Variants in FHAD1 observed in about 807,000 individuals in gnomAD.
FHAD1 encodes forkhead-associated domain-containing protein 1.
In FHAD1, 146 loss-of-function variants were observed where a neutral mutation model predicts 191.3. The observed-to-expected ratio is 0.76, with a 90% CI of 0.67 to 0.88. The LOEUF is 0.88. Among genes scored for constraint, FHAD1 ranks in the 40% least tolerant of loss-of-function variants. The pLI is 0.00. For missense variants in FHAD1, 1,635 were observed against 1,785.8 expected (o/e 0.92, Z 1.52); for synonymous variants, 616 against 672.3 (o/e 0.92, Z 1.29).
intron 23 of FHAD1, chr1:15,363,650 T>C (rs1229029503): frequency 2.4e-5 from 10 of 415,086 alleles, no homozygotes; most frequent in Non-Finnish European, 4.8e-5. Flanking sequence ...GACCACTTGG[T>C]GGGGCGGGGC....
intron 6 of FHAD1, among the ~76,000 whole-genome samples, chr1:15,301,701 C>A (rs1668830906): frequency 6.6e-6 from 1 of 152,202 alleles, no homozygotes. Context: ...CCTCACAATC[C>A]TCTGACACAT....
intron 6 of FHAD1, among the ~76,000 whole-genome samples, chr1:15,307,608 C>T (rs768944357): frequency 7.9e-5 from 12 of 152,192 alleles, no homozygotes; most frequent in Non-Finnish European, 1.3e-4. Context: ...GGGAATAAGT[C>T]TCACAAGATC....
At chr1:15,294,340 C>T (rs958148516) in intron 4 of FHAD1, among the ~76,000 whole-genome samples, 102 of 152,324 alleles carry the variant, frequency 6.7e-4, no homozygotes, top group African/African-American at 2.4e-3. Flanking sequence ...GTCAGGGTTT[C>T]TCAATCTCGG....
rs1427955488 is a variant in FHAD1, at chr1:15,365,829, A to G, written c.3050A>G (p.Asp1017Gly). The G allele has an allele frequency of 3.2e-6, 5 of 1,548,780 alleles. No homozygotes were observed. The highest frequency in any genetic ancestry group is 4.4e-6 in the Non-Finnish European group (5 of 1,144,316). ...TCACCTGTTTTTGTGAATTTCAGAGATGACTTATTGGCTGCTCAGAAGGAA... is the reference window on the plus strand; with the variant it reads ...TCACCTGTTTTTGTGAATTTCAGAGGTGACTTATTGGCTGCTCAGAAGGAA... ...AKDMAYEHLIDDLLAAQKEIL... is the reference protein window; with the variant it reads ...AKDMAYEHLIGDLLAAQKEIL... Residue 1017 changes from aspartate to glycine, a missense_variant and splice_region_variant, in exon 24 of 34, where the codon GAT (aspartate) becomes GGT (glycine). Asp to Gly is a moderately conservative substitution (Grantham distance 94). Coordinates refer to ENST00000688493, the MANE Select transcript of FHAD1 (RefSeq NM_001391957.1).
intron 4 of FHAD1, among the ~76,000 whole-genome samples, chr1:15,292,217 G>A (rs562968880): frequency 2.0e-5 from 3 of 152,088 alleles, no homozygotes; most frequent in East Asian, 3.9e-4. Context: ...GCATGATCTC[G>A]ACTCATTAAA....
At position 15,372,270 on chromosome 1, in the gene FHAD1, C is replaced by T. The variant is rs970169879; in HGVS notation, c.3448-2232C>T. 3.9e-5 allele frequency among the ~76,000 whole-genome samples: 6 copies of T among 152,214 alleles called. No homozygotes were observed. The East Asian group carries it at 9.7e-4, about 24-fold the overall frequency. On this transcript the variant is annotated intron_variant, in intron 26 of 33. Transcript: ENST00000688493. The stretch of plus-strand genomic sequence containing the variant: ...GGGACCGTCCCAGGAGGGCCTCAGA[C>T]GGCACTGTTGAACCCCTTGTAGGAG...
Position 15,365,934 on chromosome 1 carries a change from G to A in FHAD1, c.3154+1G>A, listed in dbSNP as rs1273147866. The A allele has an allele frequency of 3.0e-5, 47 of 1,546,568 alleles. No individual in the cohort carries two copies. Among genetic ancestry groups the A allele is most frequent in the Non-Finnish European group, 3.9e-5 (45 of 1,142,498 alleles). ...CACAGCAGAATGTCGGATTTGAGAGGTTTGAACAATTTCTGGTGTCTCTTG... is the reference window on the plus strand; with the variant it reads ...CACAGCAGAATGTCGGATTTGAGAGATTTGAACAATTTCTGGTGTCTCTTG... On this transcript the variant is annotated splice_donor_variant, in intron 24 of 33. Transcript: ENST00000688493. LOFTEE classifies it high-confidence loss of function.
chr1:15,372,476 G>A (rs574680957), intron 26 of FHAD1, among the ~76,000 whole-genome samples: 2 of 152,132 alleles, frequency 1.3e-5, no homozygotes, highest in Non-Finnish European at 2.9e-5. Context: ...GTATTTGTGC[G>A]CCTGTCTGTC....
Position 15,382,134 on chromosome 1 carries a change from C to T in FHAD1, c.4129C>T (p.Arg1377Cys), listed in dbSNP as rs115203564. Residue 1377 changes from arginine (R) to cysteine (C), a missense_variant, in exon 31 of 34, where the codon CGC becomes TGC. Arg to Cys is a radical substitution (Grantham distance 180). Transcript: ENST00000688493. The part of the protein sequence containing the change: ...EKALLKEALE[R>C]MEHQLCQEKR... ...GGCCCTGCTGAAGGAGGCCCTGGAG[C>T]GCATGGAGCACCAGCTGTGCCAGGA... 1.2e-5 allele frequency: 18 copies of T among 1,552,040 alleles called. No homozygotes were observed. The highest frequency in any genetic ancestry group is 2.0e-5 in the Admixed American group (1 of 50,992).
Position 15,276,568 on chromosome 1 carries a change from A to G in FHAD1, c.300+4039A>G, listed in dbSNP as rs1040327844. On this transcript the variant is annotated intron_variant, in intron 3 of 33. Coordinates refer to ENST00000688493, the MANE Select transcript of FHAD1 (RefSeq NM_001391957.1). The surrounding 1 kb of genome is among the most constrained non-coding windows in gnomAD (Gnocchi z 4.7). Reference sequence around the variant, plus strand: ...GTAATCCCAGCACTTTGGGAGGCCAAGGCAGGAGGATCGCTTGAGGCCAGG... The same window carrying G: ...GTAATCCCAGCACTTTGGGAGGCCAGGGCAGGAGGATCGCTTGAGGCCAGG... Among the ~76,000 whole-genome samples the G allele has an allele frequency of 6.6e-6, 1 of 152,238 alleles. No homozygotes were observed. Among genetic ancestry groups the G allele is most frequent in the African/African-American group, 2.4e-5 (1 of 41,458 alleles).
chr1:15,306,829 C>A (rs1670646214), intron 6 of FHAD1, among the ~76,000 whole-genome samples: 1 of 152,210 alleles, frequency 6.6e-6, no homozygotes, highest in Admixed American at 6.5e-5. Flanking sequence ...GGGGTCGGGG[C>A]CCTCATGGAG....
intron 26 of FHAD1, among the ~76,000 whole-genome samples, chr1:15,373,031 G>A (rs1482500724): frequency 6.6e-6 from 1 of 152,154 alleles, no homozygotes; most frequent in African/African-American, 2.4e-5. Context: ...TCAATAAATC[G>A]ATGTGAGATG....
chr1:15,370,014 A>G (rs114474030), intron 26 of FHAD1, among the ~76,000 whole-genome samples: 3,594 of 152,318 alleles, frequency 0.024, 136 homozygotes, highest in African/African-American at 0.075. Context: ...TCACTCTGTC[A>G]CCCAGGCAGG....
At chr1:15,262,817 T>C (rs2101019386) in intron 2 of FHAD1, among the ~76,000 whole-genome samples, 1 of 152,346 alleles carries the variant, frequency 6.6e-6, no homozygotes, top group South Asian at 2.1e-4. Context: ...CTTTTGAATA[T>C]ATACCCAGAA....
chr1:15,357,663 G>A (rs1693316161), intron 20 of FHAD1: 1 of 153,234 alleles, frequency 6.5e-6, no homozygotes, highest in Non-Finnish European at 1.4e-5. Context: ...ATGGGTTCCG[G>A]GAGGAGGGAT....
chr1:15,274,575 G>A (rs1327068003), intron 3 of FHAD1, among the ~76,000 whole-genome samples: 1 of 151,174 alleles, frequency 6.6e-6, no homozygotes, highest in Non-Finnish European at 1.5e-5. Flanking sequence ...TCATGCCACT[G>A]CACTCCAGCC....
At chr1:15,339,351 A>G in intron 14 of FHAD1, 130 bp from the exon 15 acceptor site, 1 of 386,666 alleles carries the variant, frequency 2.6e-6, no homozygotes, top group Non-Finnish European at 5.0e-6. Context: ...CTTATCAACT[A>G]CTTTAAAACC....
At chr1:15,275,282 T>C (rs1188292280) in intron 3 of FHAD1, among the ~76,000 whole-genome samples, 1 of 152,208 alleles carries the variant, frequency 6.6e-6, no homozygotes, top group African/African-American at 2.4e-5. Context: ...ACTTTTACAG[T>C]CACTTGGCTG....
At chr1:15,304,689 T>A (rs983180694) in intron 6 of FHAD1, among the ~76,000 whole-genome samples, 1 of 152,198 alleles carries the variant, frequency 6.6e-6, no homozygotes, top group Non-Finnish European at 1.5e-5. Context: ...AGTGGAGACC[T>A]GCGCAAGTAT....
Sources: allele counts gnomAD v4.1 joint callset (sites outside exome capture counted in the v4.1 genomes callset), GRCh38; gene constraint gnomAD v4.1.1; non-coding constraint Gnocchi (gnomAD v3.1); transcripts MANE v1.5; gene names NCBI Gene and HGNC (gene_info 2026-07-23, HGNC 2026-07-21).